The following KLHL29 variants were observed in gnomAD, a reference collection of about 807,000 sequenced individuals.
KLHL29 encodes the protein kelch like family member 29.
A neutral mutation model predicts 80.4 loss-of-function variants in KLHL29; 21 were observed. The observed-to-expected ratio is 0.26, with a 90% confidence interval of 0.19 to 0.38. The LOEUF (loss-of-function observed/expected upper bound fraction) is 0.38, where lower values mean the gene tolerates loss of function less well. KLHL29 is among the 10% of genes least tolerant of loss of function. KLHL29 has a pLI of 1.00. For synonymous variants in KLHL29, 511 were observed against 526.8 expected, an observed-to-expected ratio of 0.97 and a Z score of 0.41; for missense variants, 867 against 1,223.9, an observed-to-expected ratio of 0.71 and a Z score of 4.35.
intron 2 of KLHL29, among the ~76,000 whole-genome samples, chr2:23,515,242 C>T (rs1305475722): frequency 6.6e-6 from 1 of 152,176 alleles, no homozygotes; most frequent in East Asian, 1.9e-4. Flanking sequence ...CCCCATATCC[C>T]CCTGCACCCT....
At chr2:23,575,391 C>T (rs1667819820) in intron 3 of KLHL29, among the ~76,000 whole-genome samples, 1 of 152,222 alleles carries the variant, frequency 6.6e-6, no homozygotes, top group Non-Finnish European at 1.5e-5. Context: ...AGTCAGCAAC[C>T]ATTCTAAGAA....
rs954956586 is a variant in KLHL29 at position 23,503,569 on chromosome 2, A to G, written c.-46+27902A>G. Among the ~76,000 whole-genome samples, 6 of 136,028 alleles carry G rather than the reference A, an allele frequency of 4.4e-5. No homozygotes were observed. Among genetic ancestry groups the G allele is most frequent in the Admixed American group, 3.6e-4 (5 of 13,938 alleles). The allele number at this position is 136,028 out of a possible 152,430, so 89.2% of individuals were successfully genotyped here. A position where few individuals can be genotyped will look rare whatever the true frequency, so the allele number is the denominator to read the frequency against. Reference sequence around the variant, plus strand: ...CATAGGGTCCCTGCCGCTACACACCACGAGCCCACCGAGACTGCTGCAGCC... The same window carrying G: ...CATAGGGTCCCTGCCGCTACACACCGCGAGCCCACCGAGACTGCTGCAGCC... On this transcript the variant is annotated intron_variant, in intron 2 of 13. Coordinates refer to ENST00000486442, the MANE Select transcript of KLHL29 (RefSeq NM_052920.2). The surrounding 1 kb of genome is among the most constrained non-coding windows in gnomAD (Gnocchi z 4.0).
intron 3 of KLHL29, among the ~76,000 whole-genome samples, chr2:23,574,391 T>C (rs1010228961): frequency 1.8e-4 from 28 of 152,210 alleles, no homozygotes; most frequent in Admixed American, 1.7e-3. Context: ...TCTCTGAGAC[T>C]GTTTCCTTAT....
chr2:23,395,888 C>T (rs141166022), intron 1 of KLHL29, among the ~76,000 whole-genome samples: 1 of 152,288 alleles, frequency 6.6e-6, no homozygotes, highest in Non-Finnish European at 1.5e-5. Context: ...CCAGGAGAGC[C>T]GCCTATGGTG....
rs546258858 is a variant in KLHL29, at chr2:23,560,629, A to G, written c.-45-1523A>G. Among the ~76,000 whole-genome samples the G allele has an allele frequency of 3.3e-5, 5 of 152,366 alleles. No homozygotes were observed. In the South Asian group the frequency reaches 8.3e-4, roughly 25 times the overall value. On this transcript the variant is annotated intron_variant, in intron 2 of 13. Coordinates refer to ENST00000486442, the MANE Select transcript of KLHL29 (RefSeq NM_052920.2). ...GTGTAAGCCAGAAAGCATAATGGTG[A>G]AATAAACAGTGACACCACATCCAGC...
intron 2 of KLHL29, chr2:23,532,643 C>G: frequency 2.2e-6 from 1 of 456,724 alleles, no homozygotes; most frequent in South Asian, 1.5e-5. Flanking sequence ...TAACTTGGGA[C>G]TGAGGCCTGG....
At chr2:23,392,259 A>ACATACATTT (rs1666338502) in intron 1 of KLHL29, among the ~76,000 whole-genome samples, 1 of 152,172 alleles carries the variant, frequency 6.6e-6, no homozygotes, top group African/African-American at 2.4e-5. Context: ...TTCAATCATA[A>ACATACATTT]ATGTTTTAGT....
rs576874374 is a variant in KLHL29 at position 23,703,279 on chromosome 2, C to T, written c.2199C>T (p.Tyr733=). ...AAATVCGGKI[Y]VFGGVNEAGR... Reference sequence around the variant, plus strand: ...CCACAGTGTGTGGCGGCAAGATCTACGTGTTTGGTGGGGTGAACGAGGCAG... The same window carrying T: ...CCACAGTGTGTGGCGGCAAGATCTATGTGTTTGGTGGGGTGAACGAGGCAG... The change falls in exon 12 of 14, where the codon TAC becomes TAT. Residue 733 remains tyrosine, a synonymous_variant. Transcript: ENST00000486442. 22 of 1,549,328 alleles carry T rather than the reference C, an allele frequency of 1.4e-5. No homozygotes were observed. The highest frequency in any genetic ancestry group is 1.2e-4 in the Admixed American group (6 of 50,782).
At chr2:23,565,204 T>A (rs1481728286) in intron 3 of KLHL29, among the ~76,000 whole-genome samples, 1 of 152,142 alleles carries the variant, frequency 6.6e-6, no homozygotes, top group Non-Finnish European at 1.5e-5. Flanking sequence ...GGCTCTACCC[T>A]CTTAGGGAAA....
At chr2:23,517,294 C>T (rs1481587244) in intron 2 of KLHL29, among the ~76,000 whole-genome samples, 1 of 152,234 alleles carries the variant, frequency 6.6e-6, no homozygotes, top group African/African-American at 2.4e-5. Flanking sequence ...CCTGTAATCC[C>T]AGCACTTTGG....
At position 23,584,101 on chromosome 2, in the gene KLHL29, A is replaced by C. The variant is rs57501235; in HGVS notation, c.285+21620A>C. 2.4e-3 allele frequency among the ~76,000 whole-genome samples: 360 copies of C among 152,262 alleles called. 1 individual carries two copies. The highest frequency in any genetic ancestry group is 8.1e-3 in the African/African-American group (336 of 41,546). ...ACCTGCCTGGAGGAAACTATACCCA[A>C]ATGTCAGCCGAGGCTTATGGGCCTA... is the stretch of plus-strand genomic sequence containing the variant. On this transcript the variant is annotated intron_variant, in intron 3 of 13. Coordinates refer to ENST00000486442, the MANE Select transcript of KLHL29 (RefSeq NM_052920.2).
At chr2:23,535,829 G>A (rs76165912) in intron 2 of KLHL29, among the ~76,000 whole-genome samples, 135 of 152,276 alleles carry the variant, frequency 8.9e-4, no homozygotes, top group Middle Eastern at 3.4e-3. Context: ...GAGGTGGATC[G>A]TGGTGATAGT....
intron 2 of KLHL29, among the ~76,000 whole-genome samples, chr2:23,538,730 A>C (rs1009311829): frequency 1.5e-4 from 23 of 152,346 alleles, no homozygotes; most frequent in African/African-American, 5.5e-4. Context: ...AGAGGTTCTG[A>C]GTGGCAAGAT....
intron 5 of KLHL29, among the ~76,000 whole-genome samples, chr2:23,675,927 G>A (rs942382065): frequency 2.0e-5 from 3 of 152,166 alleles, no homozygotes; most frequent in African/African-American, 7.2e-5. Context: ...TCTGCATGTG[G>A]TCTGTAACCC....
Position 23,476,976 on chromosome 2 carries a change from G to A in KLHL29, c.-46+1309G>A, listed in dbSNP as rs553239744. 4.6e-5 allele frequency among the ~76,000 whole-genome samples: 7 copies of A among 152,386 alleles called. No individual in the cohort carries two copies. The East Asian group carries it at 1.3e-3, about 29-fold the overall frequency. ...TTCACCACATTTCATGCTACTGAAG[G>A]GACAGGAGCTGGGCCTGGAATGAAG... On this transcript the variant is annotated intron_variant, in intron 2 of 13. Transcript: ENST00000486442.
chr2:23,518,356 C>G (rs2103467562), intron 2 of KLHL29, among the ~76,000 whole-genome samples: 1 of 152,298 alleles, frequency 6.6e-6, no homozygotes, highest in Middle Eastern at 3.4e-3. Context: ...TGAGAGAACC[C>G]AGTGGTCCTC....
chr2:23,674,279 G>A (rs1670863939), intron 5 of KLHL29, among the ~76,000 whole-genome samples: 1 of 152,040 alleles, frequency 6.6e-6, no homozygotes, highest in Admixed American at 6.5e-5. Flanking sequence ...GGAAACAGCA[G>A]TTTAATGAAT....
At chr2:23,689,456 C>A (rs572391470) in intron 6 of KLHL29, 1 of 152,612 alleles carries the variant, frequency 6.6e-6, no homozygotes, top group African/African-American at 2.4e-5. Flanking sequence ...GACTGTCCGT[C>A]TGCCCAGCAC....
chr2:23,388,991 T>TCTTCTTC lies in KLHL29; in HGVS notation c.-154+3211_-154+3212insCTTCTTC, dbSNP rs1553317241. On this transcript the variant is annotated intron_variant, in intron 1 of 13. Coordinates refer to ENST00000486442, the MANE Select transcript of KLHL29 (RefSeq NM_052920.2). Reference sequence around the variant, plus strand: ...CCTTTTTTTCTTTCTTTCTTCTTCTTTTTTTTTTTTTTTTTTTTAAAATCC... The same window carrying TCTTCTTC: ...CCTTTTTTTCTTTCTTTCTTCTTCTTCTTCTTCTTTTTTTTTTTTTTTTTTAAAATCC... Among the ~76,000 whole-genome samples the TCTTCTTC allele has an allele frequency of 2.3e-3, 143 of 61,356 alleles. 1 individual carries two copies. The highest frequency in any genetic ancestry group is 1.1e-3 in the African/African-American group (15 of 13,998). The allele number at this position is 61,356 out of a possible 152,430, so 40.3% of individuals were successfully genotyped here. A position where few individuals can be genotyped will look rare whatever the true frequency, so the allele number is the denominator to read the frequency against.
Sources: gnomAD v4.1 joint callset for allele counts (sites outside exome capture counted in the v4.1 genomes callset) on GRCh38, gnomAD v4.1.1 for gene constraint, Gnocchi (gnomAD v3.1) non-coding constraint, MANE v1.5 for transcripts, NCBI Gene and HGNC (gene_info 2026-07-23, HGNC 2026-07-21) for gene names.